The following GAB2 variants were observed in gnomAD, a reference collection of about 807,000 sequenced individuals.
The protein encoded by GAB2 is GRB2-associated-binding protein 2.
Under a neutral mutation model 65.5 loss-of-function variants are expected in GAB2, and 26 were observed. The observed-to-expected ratio is 0.40, with a 90% CI of 0.29 to 0.55. The LOEUF is 0.55. GAB2 is among the 20% of genes least tolerant of loss of function. GAB2 has a pLI of 0.53. For missense variants in GAB2, 884 were observed against 875.8 expected, an observed-to-expected ratio of 1.01 and a Z score of -0.12; for synonymous variants, 321 against 329.6, an observed-to-expected ratio of 0.97 and a Z score of 0.28.
chr11:78,267,688 C>T (rs894806008), intron 2 of GAB2, among the ~76,000 whole-genome samples: 7 of 151,442 alleles, frequency 4.6e-5, no homozygotes, highest in South Asian at 2.1e-4. Flanking sequence ...GAAACCCCGT[C>T]GCTACTAAAA....
intron 2 of GAB2, among the ~76,000 whole-genome samples, chr11:78,273,659 T>C (rs969047545): frequency 6.6e-6 from 1 of 152,184 alleles, no homozygotes; most frequent in Non-Finnish European, 1.5e-5. Context: ...AGTTAAGACT[T>C]TGGGGGACTG....
At chr11:78,279,473 C>G (rs1041904494) in intron 2 of GAB2, among the ~76,000 whole-genome samples, 29 of 152,046 alleles carry the variant, frequency 1.9e-4, no homozygotes, top group African/African-American at 6.8e-4. Flanking sequence ...ATAATTTACA[C>G]GCCATAAATT....
At chr11:78,298,039 G>A (rs537138525) in intron 1 of GAB2, among the ~76,000 whole-genome samples, 1 of 152,246 alleles carries the variant, frequency 6.6e-6, no homozygotes, top group East Asian at 1.9e-4. Flanking sequence ...CATGAGAGCT[G>A]TGAATGGTTT....
intron 1 of GAB2, among the ~76,000 whole-genome samples, chr11:78,358,132 C>T (rs1283167873): frequency 6.6e-6 from 1 of 152,044 alleles, no homozygotes; most frequent in Non-Finnish European, 1.5e-5. Flanking sequence ...AGGATGAGTT[C>T]ATGTCCTTTG....
rs1864229044 is a variant in GAB2, at chr11:78,217,897, TGTG to T, written c.*1372_*1374del. 1 of 152,470 alleles carries T rather than the reference TGTG, an allele frequency of 6.6e-6. No individual in the cohort carries two copies. The allele number at this position is 152,470 out of a possible 1,614,324, so 9.4% of individuals were successfully genotyped here. On this transcript the variant is annotated 3_prime_UTR_variant, in exon 10 of 10. Coordinates refer to ENST00000361507, the MANE Select transcript of GAB2 (RefSeq NM_080491.3). ...GGCACAAGCTGTCAGCCATGCCTGA[TGTG>T]GTCCTCTAGGCATCATTCTGCCCTG...
chr11:78,301,063 G>A (rs1867005022), intron 1 of GAB2, among the ~76,000 whole-genome samples: 1 of 151,998 alleles, frequency 6.6e-6, no homozygotes, highest in African/African-American at 2.4e-5. Flanking sequence ...GTGTTTAGTT[G>A]TCATTTATCT....
In GAB2 at chr11:78,216,634, G is replaced by C. The variant is rs1864161233; in HGVS notation, c.*2638C>G. On this transcript the variant is annotated 3_prime_UTR_variant, in exon 10 of 10. Coordinates refer to ENST00000361507, the MANE Select transcript of GAB2 (RefSeq NM_080491.3). ...AGTTACCAGAATAGGGGGCTGGAAG[G>C]AAGCCTCCTGGGAGATTCGATTTGA... The C allele has an allele frequency of 6.6e-6, 1 of 151,272 alleles. No individual in the cohort carries two copies. The highest frequency in any genetic ancestry group is 1.5e-5 in the Non-Finnish European group (1 of 68,014). The allele number at this position is 151,272 out of a possible 1,614,324, so 9.4% of individuals were successfully genotyped here.
intron 1 of GAB2, among the ~76,000 whole-genome samples, chr11:78,326,566 T>G (rs1424987545): frequency 6.6e-6 from 1 of 152,216 alleles, no homozygotes; most frequent in Non-Finnish European, 1.5e-5. Flanking sequence ...AAGAAATTGT[T>G]ACTTCAAATT....
rs1422585611 is a variant in GAB2, at chr11:78,215,561, T to C, written c.*3711A>G. On this transcript the variant is annotated 3_prime_UTR_variant, in exon 10 of 10. Transcript: ENST00000361507. Reference sequence around the variant, plus strand: ...TGGTAACAAGACAAGAACTCAAGACTGGGCTTCCACTAGCCCATTTTCTCT... The same window carrying C: ...TGGTAACAAGACAAGAACTCAAGACCGGGCTTCCACTAGCCCATTTTCTCT... The C allele has an allele frequency of 6.6e-6, 1 of 152,544 alleles. No homozygotes were observed. The highest frequency in any genetic ancestry group is 1.5e-5 in the Non-Finnish European group (1 of 68,038). 9.4% of individuals were successfully genotyped at this position (152,544 alleles called of 1,614,324 possible). A position where few individuals can be genotyped will look rare whatever the true frequency, so the allele number is the denominator to read the frequency against.
At chr11:78,225,517 C>G (rs1864610766) in intron 4 of GAB2, among the ~76,000 whole-genome samples, 1 of 152,218 alleles carries the variant, frequency 6.6e-6, no homozygotes, top group Non-Finnish European at 1.5e-5. Flanking sequence ...TCTCTGAACA[C>G]CACAGTAACA....
chr11:78,271,179 T>TG (rs1225972480), intron 2 of GAB2, among the ~76,000 whole-genome samples: 2 of 152,240 alleles, frequency 1.3e-5, no homozygotes, highest in African/African-American at 4.8e-5. Flanking sequence ...GTAGTACATC[T>TG]GGTCAGGGAT....
intron 1 of GAB2, among the ~76,000 whole-genome samples, chr11:78,299,906 C>G (rs1245016158): frequency 6.6e-6 from 1 of 152,112 alleles, no homozygotes; most frequent in Admixed American, 6.5e-5. Flanking sequence ...AAAGAATGAC[C>G]CTGGGCTGAT....
intron 1 of GAB2, among the ~76,000 whole-genome samples, chr11:78,373,909 G>C (rs538751489): frequency 6.6e-6 from 1 of 152,260 alleles, no homozygotes; most frequent in South Asian, 2.1e-4. Context: ...CTCCAGGCTA[G>C]CACAGTACCC....
chr11:78,244,371 G>A (rs959444822), intron 3 of GAB2, among the ~76,000 whole-genome samples: 2 of 150,788 alleles, frequency 1.3e-5, no homozygotes, highest in Non-Finnish European at 2.9e-5. Flanking sequence ...CAGCCTGTAC[G>A]ACAGAGGGAG....
chr11:78,270,737 A>G (rs1865988746), intron 2 of GAB2, among the ~76,000 whole-genome samples: 1 of 152,256 alleles, frequency 6.6e-6, no homozygotes, highest in African/African-American at 2.4e-5. Context: ...AGACATAGAA[A>G]TCATCACTAC....
At chr11:78,301,337 G>GTT (rs946148307) in intron 1 of GAB2, among the ~76,000 whole-genome samples, 7 of 143,572 alleles carry the variant, frequency 4.9e-5, no homozygotes, top group South Asian at 4.4e-4. Context: ...GTGGTTTTTT[G>GTT]TTTTTTTTTT....
At chr11:78,222,811 G>C (rs1864498039) in intron 6 of GAB2, among the ~76,000 whole-genome samples, 1 of 152,098 alleles carries the variant, frequency 6.6e-6, no homozygotes, top group African/African-American at 2.4e-5. Context: ...TCGAACTTCT[G>C]ACCTCAGGTG....
At chr11:78,278,207 T>C (rs1442062776) in intron 2 of GAB2, among the ~76,000 whole-genome samples, 1 of 151,566 alleles carries the variant, frequency 6.6e-6, no homozygotes, top group Non-Finnish European at 1.5e-5. Context: ...GTAGCTGGGA[T>C]TACAGGCGCC....
At chr11:78,246,220 C>G (rs1254612459) in intron 3 of GAB2, among the ~76,000 whole-genome samples, 2 of 151,922 alleles carry the variant, frequency 1.3e-5, no homozygotes, top group Non-Finnish European at 2.9e-5. Flanking sequence ...GTGTGAGCCA[C>G]AGTGTCCGGT....
Sources: gnomAD v4.1 joint callset for allele counts (sites outside exome capture counted in the v4.1 genomes callset) on GRCh38, gnomAD v4.1.1 for gene constraint, MANE v1.5 for transcripts, NCBI Gene and HGNC (gene_info 2026-07-23, HGNC 2026-07-21) for gene names.